The following CFAP54 variants were observed in gnomAD, a reference collection of about 807,000 sequenced individuals.
CFAP54 encodes the protein cilia and flagella associated protein 54.
CFAP54 carries 290 observed loss-of-function variants against 370.4 expected under a neutral mutation model. The observed-to-expected ratio is 0.78, with a 90% CI of 0.71 to 0.86. CFAP54 has a LOEUF of 0.86. Among genes scored for constraint, CFAP54 ranks in the 40% least tolerant of loss-of-function variants. CFAP54 has a pLI of 0.00. For synonymous variants in CFAP54, 1,206 were observed against 1,236.5 expected (o/e 0.98, Z 0.52); for missense variants, 3,399 against 3,528.7 (o/e 0.96, Z 0.93).
At chr12:96,833,861 T>C (rs1358523437) in intron 66 of CFAP54, among the ~76,000 whole-genome samples, 1 of 152,108 alleles carries the variant, frequency 6.6e-6, no homozygotes, top group East Asian at 1.9e-4. Context: ...GTGCAGACAT[T>C]ATTTTAAATA....
At chr12:96,785,420 G>C (rs1331274109) in intron 61 of CFAP54, among the ~76,000 whole-genome samples, 5 of 151,904 alleles carry the variant, frequency 3.3e-5, no homozygotes, top group African/African-American at 1.2e-4. Context: ...TGTTTTATCT[G>C]TGCTCATAAT....
At chr12:96,622,085 T>C (rs1375080999) in intron 27 of CFAP54, among the ~76,000 whole-genome samples, 1 of 152,148 alleles carries the variant, frequency 6.6e-6, no homozygotes, top group East Asian at 1.9e-4. Flanking sequence ...GGGTGGATCA[T>C]TGAATGTGGC....
chr12:96,600,885 T>C (rs1373284991), intron 26 of CFAP54, among the ~76,000 whole-genome samples: 1 of 152,200 alleles, frequency 6.6e-6, no homozygotes, highest in Non-Finnish European at 1.5e-5. Context: ...TTTCTAAATA[T>C]ACAATCATGT....
intron 16 of CFAP54, 55 bp downstream of exon 16, chr12:96,554,365 A>T: frequency 2.1e-6 from 3 of 1,448,030 alleles, no homozygotes; most frequent in Non-Finnish European, 2.7e-6. Context: ...TGGGAAGAAA[A>T]CTGGCCTTGA....
chr12:96,801,307 A>G (rs1958817299), intron 63 of CFAP54, among the ~76,000 whole-genome samples: 1 of 152,252 alleles, frequency 6.6e-6, no homozygotes, highest in African/African-American at 2.4e-5. Flanking sequence ...AAATTATTCT[A>G]TCCTGGTTGA....
intron 47 of CFAP54, 25 bp from the exon 48 acceptor site, chr12:96,708,583 C>T (rs1478791356): frequency 7.0e-6 from 11 of 1,566,004 alleles, no homozygotes; most frequent in Admixed American, 2.0e-5. Context: ...CTAATTTGCT[C>T]TTTTTCCTTT....
chr12:96,832,259 C>T (rs1056866946), intron 66 of CFAP54, among the ~76,000 whole-genome samples: 7 of 106,890 alleles, frequency 6.5e-5, no homozygotes, highest in Admixed American at 2.9e-4. Flanking sequence ...TGCTTTAAAG[C>T]TTTTTCTTTT....
intron 6 of CFAP54, among the ~76,000 whole-genome samples, chr12:96,519,752 C>CATCT (rs1379478396): frequency 6.6e-6 from 1 of 152,128 alleles, no homozygotes; most frequent in Non-Finnish European, 1.5e-5. Flanking sequence ...TTAACATATT[C>CATCT]ATCTTCTCAC....
At chr12:96,581,659 TTATC>T (rs1159944813) in intron 22 of CFAP54, among the ~76,000 whole-genome samples, 5 of 141,894 alleles carry the variant, frequency 3.5e-5, no homozygotes, top group South Asian at 2.2e-4. Flanking sequence ...ATCTGCCTAT[TTATC>T]TATCTAATTA....
At chr12:96,850,251 G>A (rs1453903211) in intron 66 of CFAP54, among the ~76,000 whole-genome samples, 1 of 150,480 alleles carries the variant, frequency 6.6e-6, no homozygotes, top group Non-Finnish European at 1.5e-5. Flanking sequence ...AGCCGGGCAT[G>A]AGGCTGAGGC....
chr12:96,610,953 C>A (rs1956351664), intron 26 of CFAP54, among the ~76,000 whole-genome samples: 1 of 152,228 alleles, frequency 6.6e-6, no homozygotes, highest in African/African-American at 2.4e-5. Context: ...TAGATTCCAC[C>A]TGTGGGGGCA....
chr12:96,829,095 A>G lies in CFAP54; in HGVS notation c.9171+7A>G. ...GCCAACACCACTATCTGAGGTATGT[A>G]TTTCTCCTTTAAAATTGTATCTAAT... On this transcript the variant is annotated splice_region_variant and intron_variant, in intron 66 of 67. Transcript: ENST00000524981. 2 of 1,459,452 alleles carry G rather than the reference A, an allele frequency of 1.4e-6. No individual in the cohort carries two copies. Among genetic ancestry groups the G allele is most frequent in the South Asian group, 1.2e-5 (1 of 80,104 alleles). 90.4% of individuals were successfully genotyped at this position (1,459,452 alleles called of 1,614,324 possible).
chr12:96,812,421 C>A (rs79275434), intron 64 of CFAP54, among the ~76,000 whole-genome samples: 1 of 152,158 alleles, frequency 6.6e-6, no homozygotes. Context: ...CCTCGTTTCT[C>A]TCTTCCTGTT....
chr12:96,698,406 G>A (rs1158637194), intron 45 of CFAP54, among the ~76,000 whole-genome samples: 2 of 152,072 alleles, frequency 1.3e-5, no homozygotes, highest in Admixed American at 6.6e-5. Flanking sequence ...ATTCACAATA[G>A]CAAAGACATG....
At chr12:96,620,334 G>A (rs1321585955) in intron 26 of CFAP54, among the ~76,000 whole-genome samples, 1 of 152,184 alleles carries the variant, frequency 6.6e-6, no homozygotes, top group Non-Finnish European at 1.5e-5. Context: ...TTGAATCATG[G>A]GGGCGGGTCT....
At chr12:96,512,508 A>G (rs1175653569) in intron 4 of CFAP54, among the ~76,000 whole-genome samples, 1 of 151,478 alleles carries the variant, frequency 6.6e-6, no homozygotes, top group Non-Finnish European at 1.5e-5. Flanking sequence ...ACGCCCGGCT[A>G]ATTTTTGTAT....
chr12:96,747,198 C>A (rs148693798), intron 55 of CFAP54, among the ~76,000 whole-genome samples: 1 of 152,260 alleles, frequency 6.6e-6, no homozygotes, highest in African/African-American at 2.4e-5. Flanking sequence ...TACTATGCAA[C>A]CACTAATAAT....
chr12:96,739,189 G>A (rs1461988423), intron 50 of CFAP54, among the ~76,000 whole-genome samples: 3 of 152,040 alleles, frequency 2.0e-5, no homozygotes, highest in Non-Finnish European at 2.9e-5. Context: ...TAATGTGTGT[G>A]TGATGAACAT....
chr12:96,646,215 T>C (rs1474640511), intron 33 of CFAP54: 10 of 152,174 alleles, frequency 6.6e-5, no homozygotes, highest in South Asian at 2.1e-4. Flanking sequence ...GACAAAGGGC[T>C]AATATCCAGA....
Sources: gnomAD v4.1 joint callset for allele counts (sites outside exome capture counted in the v4.1 genomes callset) on GRCh38, gnomAD v4.1.1 for gene constraint, MANE v1.5 for transcripts, NCBI Gene and HGNC (gene_info 2026-07-23, HGNC 2026-07-21) for gene names.